The following SPATA16 variants were observed in gnomAD, a reference collection of about 807,000 sequenced individuals.
SPATA16 encodes spermatogenesis-associated protein 16.
SPATA16 carries 36 observed loss-of-function variants against 63.3 expected under a neutral mutation model. The ratio of observed to expected loss-of-function variants is 0.57; its 90% CI spans 0.44 to 0.75. SPATA16 has a LOEUF of 0.75. SPATA16 is among the 30% of genes least tolerant of loss of function. The pLI is 0.00. For synonymous variants in SPATA16, 203 were observed against 216.7 expected (o/e 0.94, Z 0.56); for missense variants, 646 against 679.3 (o/e 0.95, Z 0.54).
At position 173,061,039 on chromosome 3, in the gene SPATA16, T is replaced by C. The variant is rs555436695; in HGVS notation, c.613-11945A>G. On this transcript the variant is annotated intron_variant, in intron 2 of 10. Coordinates refer to ENST00000351008, the MANE Select transcript of SPATA16 (RefSeq NM_031955.6). ...CTCACCACAGTGCTGTTAGATCTTT[T>C]ACATATAGAACTTCCTTTGCTAGAA... Among the ~76,000 whole-genome samples, 4 of 152,336 alleles carry C rather than the reference T, an allele frequency of 2.6e-5. No homozygotes were observed. The South Asian group carries it at 8.3e-4, about 32-fold the overall frequency.
At chr3:173,041,960 AAAAAG>A (rs1735850266) in intron 3 of SPATA16, among the ~76,000 whole-genome samples, 1 of 152,170 alleles carries the variant, frequency 6.6e-6, no homozygotes, top group Non-Finnish European at 1.5e-5. Flanking sequence ...TAAAAATAAA[AAAAAG>A]AAGAGGTTAT....
intron 5 of SPATA16, among the ~76,000 whole-genome samples, chr3:172,961,582 A>G (rs1733786225): frequency 6.6e-6 from 1 of 151,956 alleles, no homozygotes; most frequent in Non-Finnish European, 1.5e-5. Flanking sequence ...TTTAGTAGAG[A>G]TGGGGTTTCA....
intron 3 of SPATA16, among the ~76,000 whole-genome samples, chr3:173,024,632 A>C (rs1735410158): frequency 6.6e-6 from 1 of 150,782 alleles, no homozygotes; most frequent in South Asian, 2.1e-4. Context: ...ATGAACAAAT[A>C]AAAAAATTCA....
At chr3:173,050,000 A>T (rs1034487610) in intron 2 of SPATA16, among the ~76,000 whole-genome samples, 83 of 152,190 alleles carry the variant, frequency 5.5e-4, no homozygotes, top group Middle Eastern at 3.4e-3. Flanking sequence ...TACTGGGGGA[A>T]ATTTTCTTGC....
chr3:173,064,224 C>T (rs1964735), intron 2 of SPATA16, among the ~76,000 whole-genome samples: 36,130 of 150,146 alleles, frequency 0.24, 5,925 homozygotes, highest in African/African-American at 0.48. Context: ...AGGAGAATTG[C>T]TTGAACCTGG....
chr3:173,040,591 T>C (rs1433768610), intron 3 of SPATA16, among the ~76,000 whole-genome samples: 1 of 152,140 alleles, frequency 6.6e-6, no homozygotes, highest in Non-Finnish European at 1.5e-5. Flanking sequence ...TCAAAGACAA[T>C]GTCTAGTATT....
chr3:172,892,229 G>C (rs1032670530), intron 10 of SPATA16, among the ~76,000 whole-genome samples: 7 of 152,194 alleles, frequency 4.6e-5, no homozygotes, highest in Non-Finnish European at 7.3e-5. Context: ...ACAGCCAGGA[G>C]TAGAAAGGGC....
intron 2 of SPATA16, among the ~76,000 whole-genome samples, chr3:173,080,044 A>G (rs796610575): frequency 1.3e-5 from 2 of 152,284 alleles, no homozygotes; most frequent in South Asian, 4.1e-4. Flanking sequence ...TAAAGTACCA[A>G]TAATGTTTTT....
At chr3:173,092,135 C>A (rs1181692143) in intron 2 of SPATA16, among the ~76,000 whole-genome samples, 1 of 152,124 alleles carries the variant, frequency 6.6e-6, no homozygotes, top group African/African-American at 2.4e-5. Flanking sequence ...TGCTGATGCT[C>A]ATACTGCTTG....
At chr3:173,041,310 G>T (rs1207961922) in intron 3 of SPATA16, among the ~76,000 whole-genome samples, 2 of 152,080 alleles carry the variant, frequency 1.3e-5, no homozygotes, top group Non-Finnish European at 2.9e-5. Flanking sequence ...CAGACTGTTT[G>T]CTTATTTAAT....
chr3:173,056,918 T>G (rs987563060), intron 2 of SPATA16, among the ~76,000 whole-genome samples: 1 of 151,978 alleles, frequency 6.6e-6, no homozygotes, highest in African/African-American at 2.4e-5. Flanking sequence ...GTGTACTATT[T>G]TTTTCTTTTT....
chr3:172,995,118 G>A (rs1421272342), intron 4 of SPATA16, among the ~76,000 whole-genome samples: 2 of 151,988 alleles, frequency 1.3e-5, no homozygotes, highest in East Asian at 1.9e-4. Flanking sequence ...AAGAAAATGT[G>A]CAATTCTTTT....
rs1394687345 is a variant in SPATA16 at position 172,909,811 on chromosome 3, G to A, written c.1587+3850C>T. On this transcript the variant is annotated intron_variant, in intron 10 of 10. Transcript: ENST00000351008. The stretch of plus-strand genomic sequence containing the variant: ...TGGTTTGGTTTGTAACGCAGCAATA[G>A]ATAACAACTGTAATGTCGCAAAATA... Among the ~76,000 whole-genome samples, 5 of 152,124 alleles carry A rather than the reference G, an allele frequency of 3.3e-5. 1 individual carries two copies. The highest frequency in any genetic ancestry group is 7.3e-5 in the Non-Finnish European group (5 of 68,032).
At chr3:172,965,064 T>TA (rs1408768035) in intron 5 of SPATA16, among the ~76,000 whole-genome samples, 1 of 152,228 alleles carries the variant, frequency 6.6e-6, no homozygotes, top group African/African-American at 2.4e-5. Context: ...ATTTATCAAA[T>TA]GAGTCTTCAC....
chr3:172,979,937 T>C (rs1390008409), intron 4 of SPATA16, among the ~76,000 whole-genome samples: 2 of 152,254 alleles, frequency 1.3e-5, no homozygotes, highest in Non-Finnish European at 2.9e-5. Flanking sequence ...TTTCGATACC[T>C]GGCATGTATT....
Position 173,124,654 on chromosome 3 carries a change from C to T in SPATA16, c.-18-6905G>A, listed in dbSNP as rs1166929635. Among the ~76,000 whole-genome samples, 4 of 152,284 alleles carry T rather than the reference C, an allele frequency of 2.6e-5. No individual in the cohort carries two copies. In the East Asian group the frequency reaches 5.8e-4, roughly 22 times the overall value. ...CCCTTGACTTTCATATTGCCAAATT[C>T]GGTGGTCACCCCAGGCTCATATCTG... On this transcript the variant is annotated intron_variant, in intron 1 of 10. Transcript: ENST00000351008.
intron 3 of SPATA16, among the ~76,000 whole-genome samples, chr3:173,019,812 T>G (rs1341723733): frequency 6.6e-6 from 1 of 152,198 alleles, no homozygotes; most frequent in African/African-American, 2.4e-5. Flanking sequence ...GGACTGGATA[T>G]TTTTACAGAT....
At chr3:173,131,231 A>G (rs1479300811) in intron 1 of SPATA16, among the ~76,000 whole-genome samples, 2 of 152,222 alleles carry the variant, frequency 1.3e-5, no homozygotes, top group Non-Finnish European at 2.9e-5. Context: ...AATGGAACCT[A>G]ACAAAATACA....
intron 2 of SPATA16, among the ~76,000 whole-genome samples, chr3:173,062,883 A>G (rs1736417459): frequency 6.6e-6 from 1 of 152,192 alleles, no homozygotes; most frequent in East Asian, 1.9e-4. Flanking sequence ...GATCCCTCGC[A>G]TATACAGTTC....
Sources: gnomAD v4.1 joint callset for allele counts (sites outside exome capture counted in the v4.1 genomes callset) on GRCh38, gnomAD v4.1.1 for gene constraint, MANE v1.5 for transcripts, NCBI Gene and HGNC (gene_info 2026-07-23, HGNC 2026-07-21) for gene names.